ALPK1: variants seen among roughly 807,000 people sequenced by gnomAD.
The protein encoded by ALPK1 is alpha-protein kinase 1.
Under a neutral mutation model 120.6 loss-of-function variants are expected in ALPK1, and 110 were observed. The observed-to-expected ratio is 0.91, with a 90% CI of 0.78 to 1.07. The LOEUF is 1.07. Among genes scored for constraint, ALPK1 ranks in the 50% least tolerant of loss-of-function variants. The pLI, the probability that ALPK1 is intolerant of heterozygous loss-of-function variation, is 0.00. For synonymous variants in ALPK1, 582 were observed against 560.3 expected (o/e 1.04, Z -0.55); for missense variants, 1,498 against 1,483.9 (o/e 1.01, Z -0.16).
At chr4:112,329,722 G>A (rs909004821) in intron 2 of ALPK1, among the ~76,000 whole-genome samples, 1 of 152,194 alleles carries the variant, frequency 6.6e-6, no homozygotes, top group Admixed American at 6.5e-5. Flanking sequence ...AATAAGAGCA[G>A]GAATCCATTA....
intron 2 of ALPK1, chr4:112,357,850 T>G (rs1730713267): frequency 8.8e-7 from 1 of 1,138,438 alleles, no homozygotes; most frequent in Non-Finnish European, 1.3e-6. Context: ...GGCCCACTAC[T>G]TGGCTAGGAA....
chr4:112,301,814 G>T (rs1488654493), intron 1 of ALPK1, among the ~76,000 whole-genome samples: 1 of 152,118 alleles, frequency 6.6e-6, no homozygotes. Flanking sequence ...TGATGTGATT[G>T]TGATCACGGC....
At chr4:112,305,304 G>T (rs1204534049) in intron 1 of ALPK1, among the ~76,000 whole-genome samples, 3 of 151,934 alleles carry the variant, frequency 2.0e-5, no homozygotes, top group Non-Finnish European at 2.9e-5. Flanking sequence ...TTGGTAGCTT[G>T]ATGGGGATGG....
intron 9 of ALPK1, among the ~76,000 whole-genome samples, chr4:112,428,698 A>AAGCTCCCCCACAAGC (rs1734384823): frequency 6.6e-6 from 1 of 152,136 alleles, no homozygotes; most frequent in African/African-American, 2.4e-5. Flanking sequence ...CCCACAACAG[A>AAGCTCCCCCACAAGC]AAGTAAGCTC....
At chr4:112,373,733 A>T (rs1731524059) in intron 2 of ALPK1, among the ~76,000 whole-genome samples, 1 of 152,192 alleles carries the variant, frequency 6.6e-6, no homozygotes, top group Non-Finnish European at 1.5e-5. Flanking sequence ...AAAAAAAATT[A>T]AAATTAAAAA....
chr4:112,349,553 C>CCCA (rs1441471933), intron 2 of ALPK1, among the ~76,000 whole-genome samples: 2 of 139,366 alleles, frequency 1.4e-5, no homozygotes, highest in Admixed American at 7.1e-5. Flanking sequence ...CAACCCCTGC[C>CCCA]CCCCCCCGCT....
Position 112,438,476 on chromosome 4 carries a change from G to A in ALPK1, c.3189-8G>A. 1 of 1,611,858 alleles carries A rather than the reference G, an allele frequency of 6.2e-7. No homozygotes were observed. On this transcript the variant is annotated splice_region_variant and splice_polypyrimidine_tract_variant and intron_variant, in intron 12 of 15. Coordinates refer to ENST00000650871, the MANE Select transcript of ALPK1 (RefSeq NM_025144.4). ...GCATTTTGTTGTGTGGATTTTCTTT[G>A]TTCATAGGTATGTTGGGAAAGACTA... is the stretch of plus-strand genomic sequence containing the variant.
chr4:112,319,241 T>C (rs1578459818), intron 2 of ALPK1, among the ~76,000 whole-genome samples: 3 of 152,242 alleles, frequency 2.0e-5, no homozygotes, highest in Admixed American at 2.0e-4. Flanking sequence ...TTGTTGCCTA[T>C]AGGGTGTGTG....
In ALPK1 at chr4:112,431,727, G is replaced by A. The variant is rs773694590; in HGVS notation, c.2180G>A (p.Gly727Asp). Residue 727 changes from glycine to aspartate, a missense_variant, in exon 11 of 16, where the codon GGT becomes GAT. By Grantham distance (94) the Gly-to-Asp change is moderately conservative. Transcript: ENST00000650871. ...TCTGCTTCTTGGTCTTCTGATTCTG[G>A]TAGGCCCAAGAATATGGGCACACAT... The part of the protein sequence containing the change: ...YRSASWSSDS[G>D]RPKNMGTHPS... 6.2e-7 allele frequency: 1 copy of A among 1,614,136 alleles called. No homozygotes were observed. Among genetic ancestry groups the A allele is most frequent in the African/African-American group, 1.3e-5 (1 of 75,022 alleles).
intron 5 of ALPK1, among the ~76,000 whole-genome samples, chr4:112,418,482 A>T (rs917964984): frequency 2.0e-5 from 3 of 152,194 alleles, no homozygotes; most frequent in Non-Finnish European, 2.9e-5. Context: ...ATGTTGCAGG[A>T]GTCAGGCACA....
At chr4:112,427,088 C>T (rs1482424934) in intron 8 of ALPK1, among the ~76,000 whole-genome samples, 1 of 152,154 alleles carries the variant, frequency 6.6e-6, no homozygotes, top group African/African-American at 2.4e-5. Flanking sequence ...GATTCTTTTA[C>T]AATACAGACT....
chr4:112,357,152 A>G, intron 2 of ALPK1: 1 of 1,462,230 alleles, frequency 6.8e-7, no homozygotes. Flanking sequence ...CAGCGGTGTC[A>G]CCAAGCCAGG....
chr4:112,387,532 A>G (rs1479349645), intron 4 of ALPK1, among the ~76,000 whole-genome samples: 5 of 152,216 alleles, frequency 3.3e-5, no homozygotes, highest in Non-Finnish European at 5.9e-5. Flanking sequence ...CAGTCTGAGG[A>G]CATGAAGCAG....
intron 4 of ALPK1, among the ~76,000 whole-genome samples, chr4:112,401,318 A>T (rs544419491): frequency 6.6e-6 from 1 of 152,364 alleles, no homozygotes; most frequent in Admixed American, 6.5e-5. Context: ...AGTACAAAAC[A>T]GTAGGGTCAG....
intron 4 of ALPK1, among the ~76,000 whole-genome samples, chr4:112,385,630 C>T (rs973059917): frequency 6.6e-6 from 1 of 152,130 alleles, no homozygotes; most frequent in Non-Finnish European, 1.5e-5. Flanking sequence ...ACCATAGCAC[C>T]CTGTAAGTCA....
rs142504648 is a variant in ALPK1 at position 112,441,071 on chromosome 4, T to C, written c.3693T>C (p.Arg1231=). The C allele has an allele frequency of 3.7e-6, 6 of 1,613,924 alleles. No homozygotes were observed. The highest frequency in any genetic ancestry group is 5.1e-6 in the Non-Finnish European group (6 of 1,179,848). The change falls in exon 15 of 16, where the codon CGT becomes CGC. Residue 1231 remains arginine, a synonymous_variant. Transcript: ENST00000650871. Reference sequence around the variant, plus strand: ...TGGAATGTAATGAAATCTGCCATCGTCTTTCTTTGACTAGACCTTCAATGG... The same window carrying C: ...TGGAATGTAATGAAATCTGCCATCGCCTTTCTTTGACTAGACCTTCAATGG... ...QHVECNEICH[R]LSLTRPSMEK... is the part of the protein sequence containing the mutation.
intron 4 of ALPK1, among the ~76,000 whole-genome samples, chr4:112,403,365 T>C (rs778947280): frequency 6.6e-6 from 1 of 152,190 alleles, no homozygotes; most frequent in Non-Finnish European, 1.5e-5. Flanking sequence ...GCAAGAATGA[T>C]ACCCACCTAA....
chr4:112,409,499 C>T (rs935407444), intron 4 of ALPK1, among the ~76,000 whole-genome samples: 15 of 151,916 alleles, frequency 9.9e-5, no homozygotes, highest in Admixed American at 2.0e-4. Context: ...TTGTATTAGA[C>T]GTAGGGAATC....
chr4:112,337,192 A>G (rs959186333), intron 2 of ALPK1, among the ~76,000 whole-genome samples: 7 of 152,132 alleles, frequency 4.6e-5, no homozygotes, highest in Non-Finnish European at 2.9e-5. Flanking sequence ...TTTAAAAAAT[A>G]TATATGTTTA....
Sources: gnomAD v4.1 joint callset for allele counts (sites outside exome capture counted in the v4.1 genomes callset) on GRCh38, gnomAD v4.1.1 for gene constraint, MANE v1.5 for transcripts, NCBI Gene and HGNC (gene_info 2026-07-23, HGNC 2026-07-21) for gene names.